Variants in PTPN21 observed in about 807,000 individuals in gnomAD.
PTPN21 encodes the protein tyrosine-protein phosphatase non-receptor type 21.
A neutral mutation model predicts 131.8 loss-of-function variants in PTPN21; 77 were observed. That is an observed-to-expected ratio of 0.58 (90% confidence interval 0.49 to 0.71). The LOEUF (loss-of-function observed/expected upper bound fraction) is 0.71, where lower values mean the gene tolerates loss of function less well. PTPN21 is among the 30% of genes least tolerant of loss of function. The pLI, the probability that PTPN21 is intolerant of heterozygous loss-of-function variation, is 0.00. For synonymous variants in PTPN21, 715 were observed against 621.3 expected (o/e 1.15, Z -2.24); for missense variants, 1,552 against 1,527.1 (o/e 1.02, Z -0.27).
At chr14:88,529,565 T>C (rs573882818) in intron 2 of PTPN21, among the ~76,000 whole-genome samples, 4 of 152,282 alleles carry the variant, frequency 2.6e-5, no homozygotes, top group South Asian at 4.1e-4. Context: ...AAAACTTCCC[T>C]GGTCTTGCTA....
At chr14:88,474,953 G>T (rs1437159674) in intron 13 of PTPN21, among the ~76,000 whole-genome samples, 1 of 152,086 alleles carries the variant, frequency 6.6e-6, no homozygotes, top group Non-Finnish European at 1.5e-5. Context: ...TTAGCTGGGC[G>T]TGGTGGCACA....
At chr14:88,504,233 A>T (rs1755199334) in intron 6 of PTPN21, among the ~76,000 whole-genome samples, 192 bp downstream of exon 6, 1 of 152,212 alleles carries the variant, frequency 6.6e-6, no homozygotes, top group Admixed American at 6.5e-5. Flanking sequence ...GTAAGTGCTT[A>T]CTTAGAACAG....
At chr14:88,476,232 G>A (rs529353633) in intron 13 of PTPN21, among the ~76,000 whole-genome samples, 1 of 152,258 alleles carries the variant, frequency 6.6e-6, no homozygotes, top group South Asian at 2.1e-4. Flanking sequence ...GCAACCCCAT[G>A]TTACTATGAA....
rs1400814162 is a variant in PTPN21, at chr14:88,469,552, T to C, written c.3182A>G (p.Gln1061Arg). ...GCCATGTTCAGGCCAGTCTGTGTAT[T>C]GGAGGTGCCAGACGGTCCTCTCTTG... is the stretch of plus-strand genomic sequence containing the variant. Reference protein sequence around the residue: ...TGQERTVWHLQYTDWPEHGCP... With the variant: ...TGQERTVWHLRYTDWPEHGCP... Residue 1061 changes from glutamine to arginine, a missense_variant, in exon 17 of 19, where the codon CAA becomes CGA. Gln to Arg is a conservative substitution (Grantham distance 43, BLOSUM62 1). Coordinates refer to ENST00000556564, the MANE Select transcript of PTPN21 (RefSeq NM_007039.4). This position sits in a 1 kb window ranked among gnomAD's most constrained non-coding sequence, Gnocchi z 4.3. 6.2e-7 allele frequency: 1 copy of C among 1,614,080 alleles called. No individual in the cohort carries two copies. Among genetic ancestry groups the C allele is most frequent in the Admixed American group, 1.7e-5 (1 of 60,004 alleles).
chr14:88,550,583 C>CGGGCGTAGTGGCGGGCGCCTGTAG lies in PTPN21; in HGVS notation c.-167_-166insCTACAGGCGCCCGCCACTACGCCC. 3.1e-6 allele frequency: 2 copies of CGGGCGTAGTGGCGGGCGCCTGTAG among 654,296 alleles called. No homozygotes were observed. The highest frequency in any genetic ancestry group is 5.1e-6 in the Non-Finnish European group (2 of 392,800). 40.5% of individuals were successfully genotyped at this position (654,296 alleles called of 1,614,324 possible). A position where few individuals can be genotyped will look rare whatever the true frequency, so the allele number is the denominator to read the frequency against. On this transcript the variant is annotated 5_prime_UTR_variant, in exon 2 of 19. Transcript: ENST00000556564. ...TGCCGCCATTAAAAAGCAACGGAGT[C>CGGGCGTAGTGGCGGGCGCCTGTAG]TCCAATGGCCCGAGGAAGGGAGCAT...
In PTPN21 at chr14:88,479,002, C is replaced by T. The variant is rs772215506; in HGVS notation, c.2429G>A (p.Arg810Gln). 1.9e-6 allele frequency: 3 copies of T among 1,599,612 alleles called. No homozygotes were observed. In the South Asian group the frequency reaches 3.3e-5, roughly 18 times the overall value. The part of the protein sequence containing the change: ...DLTTSGRYRA[R>Q]RDSLKKRPVS... Reference sequence around the variant, plus strand: ...CGGCCTTTTCTTCAGAGAGTCCCTCCGGGCTCGGTAGCGGCCTGACGTGGT... The same window carrying T: ...CGGCCTTTTCTTCAGAGAGTCCCTCTGGGCTCGGTAGCGGCCTGACGTGGT... Residue 810 changes from arginine (R) to glutamine (Q), a missense_variant, in exon 13 of 19, where the codon CGG (arginine) becomes CAG (glutamine). This residue lies in a region of PTPN21 where 1,016 missense variants were observed against 883.5 expected (regional missense o/e 1.15). Coordinates refer to ENST00000556564, the MANE Select transcript of PTPN21 (RefSeq NM_007039.4).
chr14:88,492,809 G>C (rs1321185373), intron 10 of PTPN21: 1 of 216,808 alleles, frequency 4.6e-6, no homozygotes, highest in Non-Finnish European at 9.4e-6. Context: ...CTTCTCCCCT[G>C]TGACTCCCAT....
At chr14:88,530,408 C>T (rs767217285) in intron 2 of PTPN21, among the ~76,000 whole-genome samples, 14 of 152,102 alleles carry the variant, frequency 9.2e-5, no homozygotes, top group Middle Eastern at 3.2e-3. Context: ...ACAACTAGCA[C>T]GATGAATAGA....
chr14:88,503,123 C>T (rs564806514), intron 6 of PTPN21, among the ~76,000 whole-genome samples: 3 of 151,912 alleles, frequency 2.0e-5, no homozygotes, highest in East Asian at 3.9e-4. Context: ...GCAACCTCCA[C>T]CTCCCAGGTT....
Position 88,479,803 on chromosome 14 carries a change from G to A in PTPN21, c.1628C>T (p.Thr543Ile). 1 of 1,546,360 alleles carries A rather than the reference G, an allele frequency of 6.5e-7. No homozygotes were observed. Among genetic ancestry groups the A allele is most frequent in the Non-Finnish European group, 8.7e-7 (1 of 1,152,078 alleles). Residue 543 changes from threonine to isoleucine, a missense_variant, in exon 13 of 19, where the codon ACC becomes ATC. Around this residue, in one of 4 missense-constraint regions of PTPN21, gnomAD observed 1,016 missense variants for 883.5 expected, o/e 1.15. Transcript: ENST00000556564. The stretch of plus-strand genomic sequence containing the variant: ...GTCCTGCGCCTGCAGCTGCGCATTG[G>A]TCAGCTCCGGCACGCTGACCGCGCC... ...VVGAVSVPEL[T>I]NAQLQAQDYP... is the part of the protein sequence containing the mutation.
At chr14:88,511,716 T>C (rs1401150980) in intron 3 of PTPN21, among the ~76,000 whole-genome samples, 1 of 152,170 alleles carries the variant, frequency 6.6e-6, no homozygotes, top group African/African-American at 2.4e-5. Context: ...CATGCAGACC[T>C]GAATTCAAAA....
intron 2 of PTPN21, among the ~76,000 whole-genome samples, chr14:88,525,282 TACAGA>T (rs145784165): frequency 0.02 from 3,062 of 151,710 alleles, 117 homozygotes; most frequent in African/African-American, 0.07. Flanking sequence ...AAAAAAAACC[TACAGA>T]ACAGAAGAAA....
At chr14:88,497,375 T>C (rs1265483623) in intron 8 of PTPN21, 85 bp from the exon 9 acceptor site, 1 of 1,077,240 alleles carries the variant, frequency 9.3e-7, no homozygotes, top group African/African-American at 1.6e-5. Flanking sequence ...TCCCTAAGCC[T>C]GACGTGTAAG....
chr14:88,519,193 G>A (rs987835144), intron 2 of PTPN21, among the ~76,000 whole-genome samples: 3 of 152,206 alleles, frequency 2.0e-5, no homozygotes, highest in Non-Finnish European at 2.9e-5. Context: ...ATGCACTTAT[G>A]AGCTGAAATG....
intron 6 of PTPN21, among the ~76,000 whole-genome samples, chr14:88,501,794 C>T (rs1387157578): frequency 1.3e-5 from 2 of 151,314 alleles, no homozygotes; most frequent in Non-Finnish European, 1.5e-5. Context: ...GCCTGGGCAA[C>T]ATAGTGAGAC....
At chr14:88,505,468 C>A in intron 4 of PTPN21, 97 bp from the exon 5 acceptor site, 1 of 747,108 alleles carries the variant, frequency 1.3e-6, no homozygotes, top group Non-Finnish European at 2.2e-6. Flanking sequence ...AGATGGTATG[C>A]TAATATTTCA....
intron 2 of PTPN21, among the ~76,000 whole-genome samples, chr14:88,529,271 A>G (rs908429442): frequency 6.6e-6 from 1 of 152,140 alleles, no homozygotes; most frequent in African/African-American, 2.4e-5. Context: ...GGTCTATCAC[A>G]TTTATTGACT....
intron 2 of PTPN21, among the ~76,000 whole-genome samples, chr14:88,538,976 C>A (rs546095805): frequency 6.8e-4 from 103 of 152,258 alleles, no homozygotes; most frequent in South Asian, 3.9e-3. Context: ...GTTTTCTAGT[C>A]CCTTTAAACA....
chr14:88,530,671 G>A (rs926943023), intron 2 of PTPN21, among the ~76,000 whole-genome samples: 1 of 151,924 alleles, frequency 6.6e-6, no homozygotes, highest in African/African-American at 2.4e-5. Context: ...TTAAAGCAAC[G>A]ACACTTAAAA....
Sources: allele counts gnomAD v4.1 joint callset (sites outside exome capture counted in the v4.1 genomes callset), GRCh38; gene constraint gnomAD v4.1.1; regional missense constraint gnomAD v4.1.1; non-coding constraint Gnocchi (gnomAD v3.1); transcripts MANE v1.5; gene names NCBI Gene and HGNC (gene_info 2026-07-23, HGNC 2026-07-21).